The following HCN1 variants were observed in gnomAD, a reference collection of about 807,000 sequenced individuals.
The protein encoded by HCN1 is potassium/sodium hyperpolarization-activated cyclic nucleotide-gated channel 1.
A neutral mutation model predicts 78.9 loss-of-function variants in HCN1; 13 were observed. That is an observed-to-expected ratio of 0.16 (90% CI 0.11 to 0.26). The LOEUF is 0.26. HCN1 is among the 10% of genes least tolerant of loss of function. The pLI is 1.00. For synonymous variants in HCN1, 552 were observed against 455.5 expected (o/e 1.21, Z -2.70); for missense variants, 810 against 1,154.3 (o/e 0.70, Z 4.32).
chr5:45,508,573 G>T (rs1221371785), intron 2 of HCN1, among the ~76,000 whole-genome samples: 3 of 152,098 alleles, frequency 2.0e-5, no homozygotes, highest in African/African-American at 7.2e-5. Flanking sequence ...AAGACAAAGG[G>T]TATGTCCTAC....
intron 2 of HCN1, among the ~76,000 whole-genome samples, chr5:45,531,008 A>G (rs908907277): frequency 2.6e-5 from 4 of 152,042 alleles, no homozygotes; most frequent in Non-Finnish European, 4.4e-5. Flanking sequence ...ATGCCAAGAA[A>G]TATGGGGTGT....
chr5:45,564,635 T>A (rs988108779), intron 2 of HCN1, among the ~76,000 whole-genome samples: 2 of 152,234 alleles, frequency 1.3e-5, no homozygotes, highest in African/African-American at 4.8e-5. Flanking sequence ...TAATCCTTTA[T>A]GCCAGTCTCA....
intron 2 of HCN1, among the ~76,000 whole-genome samples, chr5:45,513,889 G>T (rs1274115149): frequency 6.6e-6 from 1 of 152,086 alleles, no homozygotes; most frequent in African/African-American, 2.4e-5. Flanking sequence ...TTAGAAATTT[G>T]CAAGAATTTC....
At chr5:45,316,423 A>T (rs181543257) in intron 5 of HCN1, among the ~76,000 whole-genome samples, 85 of 152,284 alleles carry the variant, frequency 5.6e-4, no homozygotes, top group African/African-American at 2.0e-3. Flanking sequence ...TCAAAATAAT[A>T]AGAGCTACTT....
chr5:45,622,144 C>T (rs189767632), intron 2 of HCN1, among the ~76,000 whole-genome samples: 10 of 151,820 alleles, frequency 6.6e-5, no homozygotes, highest in Non-Finnish European at 1.5e-5. Flanking sequence ...ATGGCGTGAA[C>T]CCAGGAGGCC....
At chr5:45,329,963 ATCT>A (rs1746312650) in intron 5 of HCN1, among the ~76,000 whole-genome samples, 1 of 151,368 alleles carries the variant, frequency 6.6e-6, no homozygotes, top group Admixed American at 6.6e-5. Context: ...AGCAAAGACC[ATCT>A]TCTTTCCAAT....
At chr5:45,573,161 C>A (rs900947245) in intron 2 of HCN1, among the ~76,000 whole-genome samples, 1 of 152,096 alleles carries the variant, frequency 6.6e-6, no homozygotes, top group Admixed American at 6.6e-5. Context: ...ATTCAAATTT[C>A]TTCAAAGGAC....
At chr5:45,375,193 T>A (rs1747586286) in intron 4 of HCN1, among the ~76,000 whole-genome samples, 1 of 117,800 alleles carries the variant, frequency 8.5e-6, no homozygotes, top group Non-Finnish European at 1.6e-5. Flanking sequence ...GTATTATATA[T>A]AATATAATAT....
intron 2 of HCN1, among the ~76,000 whole-genome samples, chr5:45,581,765 T>C (rs1204839116): frequency 6.6e-6 from 1 of 152,200 alleles, no homozygotes; most frequent in Non-Finnish European, 1.5e-5. Flanking sequence ...CAGCACCATT[T>C]ATTAAATAGG....
chr5:45,668,840 G>T (rs756413603), intron 1 of HCN1, among the ~76,000 whole-genome samples: 1 of 151,718 alleles, frequency 6.6e-6, no homozygotes, highest in Non-Finnish European at 1.5e-5. Flanking sequence ...AAAAAATTCT[G>T]CACTTAAGCC....
chr5:45,255,009 A>G lies in HCN1; in HGVS notation c.*6912T>C, dbSNP rs1322436384. 6.6e-6 allele frequency: 1 copy of G among 152,232 alleles called. No homozygotes were observed. The allele number at this position is 152,232 out of a possible 1,614,324, so 9.4% of individuals were successfully genotyped here. On this transcript the variant is annotated 3_prime_UTR_variant, in exon 8 of 8. Transcript: ENST00000303230. ...TATTATTGATAGCATTAAAAATGTT[A>G]CAGAAGGCAATGGACACATTGTACT... is the stretch of plus-strand genomic sequence containing the variant.
chr5:45,669,475 T>G (rs1746109580), intron 1 of HCN1, among the ~76,000 whole-genome samples: 1 of 151,768 alleles, frequency 6.6e-6, no homozygotes, highest in Non-Finnish European at 1.5e-5. Context: ...TGTAATATTC[T>G]AAAACTCAGA....
At position 45,258,571 on chromosome 5, in the gene HCN1, C is replaced by G. The variant is rs184539726; in HGVS notation, c.*3350G>C. ...CTACTTATTCTCATTATGATAAACT[C>G]TATCTCAGGCTTTTAGGTATCATTT... is the stretch of plus-strand genomic sequence containing the variant. On this transcript the variant is annotated 3_prime_UTR_variant, in exon 8 of 8. Coordinates refer to ENST00000303230, the MANE Select transcript of HCN1 (RefSeq NM_021072.4). The G allele has an allele frequency of 6.6e-6, 1 of 152,018 alleles. No homozygotes were observed. Among genetic ancestry groups the G allele is most frequent in the East Asian group, 1.9e-4 (1 of 5,166 alleles). The allele number at this position is 152,018 out of a possible 1,614,324, so 9.4% of individuals were successfully genotyped here. A position where few individuals can be genotyped will look rare whatever the true frequency, so the allele number is the denominator to read the frequency against.
At chr5:45,366,949 G>C (rs1747250730) in intron 4 of HCN1, among the ~76,000 whole-genome samples, 1 of 151,730 alleles carries the variant, frequency 6.6e-6, no homozygotes, top group Non-Finnish European at 1.5e-5. Context: ...TAAATATTAA[G>C]AAGATTTAGT....
chr5:45,479,335 T>C (rs1398268148), intron 2 of HCN1, among the ~76,000 whole-genome samples: 1 of 152,142 alleles, frequency 6.6e-6, no homozygotes, highest in Non-Finnish European at 1.5e-5. Flanking sequence ...TTAGAAGCCT[T>C]ATTTAGGAAA....
chr5:45,621,850 C>A (rs1745068309), intron 2 of HCN1, among the ~76,000 whole-genome samples: 1 of 151,912 alleles, frequency 6.6e-6, no homozygotes, highest in Non-Finnish European at 1.5e-5. Flanking sequence ...CTAATATAAG[C>A]ATTTGAGTAT....
At chr5:45,690,997 C>T (rs904784331) in intron 1 of HCN1, among the ~76,000 whole-genome samples, 39 of 152,066 alleles carry the variant, frequency 2.6e-4, no homozygotes, top group African/African-American at 9.4e-4. Flanking sequence ...TAAATGCATT[C>T]TGCTGGTTTC....
chr5:45,453,547 T>C (rs1228292299), intron 3 of HCN1, among the ~76,000 whole-genome samples: 1 of 152,108 alleles, frequency 6.6e-6, no homozygotes, highest in Non-Finnish European at 1.5e-5. Context: ...ATGGTTGTTT[T>C]CTATAAACAT....
intron 3 of HCN1, among the ~76,000 whole-genome samples, chr5:45,460,490 A>G (rs894948761): frequency 1.3e-5 from 2 of 152,140 alleles, no homozygotes; most frequent in African/African-American, 2.4e-5. Context: ...ACCACTGGAA[A>G]TACAGGACAG....
Sources: allele counts gnomAD v4.1 joint callset (sites outside exome capture counted in the v4.1 genomes callset), GRCh38; gene constraint gnomAD v4.1.1; transcripts MANE v1.5; gene names NCBI Gene and HGNC (gene_info 2026-07-23, HGNC 2026-07-21).